The following SPEG variants were observed in gnomAD, a reference collection of about 807,000 sequenced individuals.
SPEG encodes striated muscle preferentially expressed protein kinase.
In SPEG, 114 loss-of-function variants were observed where a neutral mutation model predicts 300.4. The observed-to-expected ratio is 0.38, with a 90% CI of 0.33 to 0.44. The LOEUF (loss-of-function observed/expected upper bound fraction) is 0.44, where lower values mean the gene tolerates loss of function less well. Among genes scored for constraint, SPEG ranks in the 20% least tolerant of loss-of-function variants. The probability of loss-of-function intolerance (pLI) is 1.00; values close to 1 mark genes in which losing one functional copy is unlikely to be tolerated. For synonymous variants in SPEG, 1,964 were observed against 2,018.9 expected (o/e 0.97, Z 0.73); for missense variants, 4,201 against 4,586.2 (o/e 0.92, Z 2.43).
intron 38 of SPEG, 126 bp downstream of exon 38, chr2:219,491,082 C>T (rs1287987585): frequency 2.9e-5 from 21 of 712,504 alleles, no homozygotes; most frequent in East Asian, 5.4e-5. Flanking sequence ...AAGCAATGAA[C>T]GAAGTATGTG....
intron 6 of SPEG, among the ~76,000 whole-genome samples, chr2:219,453,612 G>A (rs59882792): frequency 6.1e-4 from 93 of 152,302 alleles, no homozygotes; most frequent in African/African-American, 2.0e-3. Flanking sequence ...GCTCATCACA[G>A]CATCTCGGCA....
intron 30 of SPEG, 102 bp downstream of exon 30, chr2:219,485,174 A>G: frequency 2.0e-6 from 3 of 1,484,150 alleles, no homozygotes; most frequent in Non-Finnish European, 2.7e-6. Context: ...CACCAGGGGC[A>G]GGCTGAGGCC....
Position 219,443,273 on chromosome 2 carries a change from C to T in SPEG, c.389-1380C>T, listed in dbSNP as rs1157587549. On this transcript the variant is annotated intron_variant, in intron 1 of 40. Transcript: ENST00000312358. The surrounding 1 kb of genome is among the most constrained non-coding windows in gnomAD (Gnocchi z 4.6). ...GAGATGTGGAACCCTCCCACTCACC[C>T]CCACACTTATCTACCACCCACCCGA... The T allele has an allele frequency of 1.0e-6, 1 of 1,000,884 alleles. No individual in the cohort carries two copies. Among genetic ancestry groups the T allele is most frequent in the Non-Finnish European group, 1.6e-6 (1 of 622,534 alleles). 62.0% of individuals were successfully genotyped at this position (1,000,884 alleles called of 1,614,324 possible). A position where few individuals can be genotyped will look rare whatever the true frequency, so the allele number is the denominator to read the frequency against.
At chr2:219,436,174 C>T (rs1026269481) in intron 1 of SPEG, among the ~76,000 whole-genome samples, 1 of 152,226 alleles carries the variant, frequency 6.6e-6, no homozygotes, top group Admixed American at 6.5e-5. Flanking sequence ...TGCTTGTCCC[C>T]CGCCCATAGA....
rs2125374243 is a variant in SPEG, at chr2:219,459,206, C to A, written c.2441-2676C>A. Among the ~76,000 whole-genome samples, 1 of 152,296 alleles carries A rather than the reference C, an allele frequency of 6.6e-6. No individual in the cohort carries two copies. The highest frequency in any genetic ancestry group is 1.9e-4 in the East Asian group (1 of 5,176). ...TACTTCCGTGGTGGGTTGTTCGGGGCCATTGAGTGTATGTGCCTATTAGGT... is the reference window on the plus strand; with the variant it reads ...TACTTCCGTGGTGGGTTGTTCGGGGACATTGAGTGTATGTGCCTATTAGGT... On this transcript the variant is annotated intron_variant, in intron 6 of 40. Coordinates refer to ENST00000312358, the MANE Select transcript of SPEG (RefSeq NM_005876.5). This position sits in a 1 kb window ranked among gnomAD's most constrained non-coding sequence, Gnocchi z 4.9.
Position 219,468,595 on chromosome 2 carries a change from G to A in SPEG, c.3160G>A (p.Ala1054Thr). The A allele has an allele frequency of 6.2e-7, 1 of 1,613,050 alleles. No individual in the cohort carries two copies. Among genetic ancestry groups the A allele is most frequent in the South Asian group, 1.1e-5 (1 of 91,054 alleles). Reference protein sequence around the residue: ...STAKDELTCSARLTVRPSLAP... With the variant: ...STAKDELTCSTRLTVRPSLAP... ...CCCCACAGATGAGCTGACCTGCAGT[G>A]CCCGGCTGACCGTGCGGCCCTCGTT... Residue 1054 changes from alanine to threonine, a missense_variant, in exon 11 of 41, where the codon GCC becomes ACC. By Grantham distance (58) the Ala-to-Thr change is moderately conservative. Transcript: ENST00000312358.
At chr2:219,450,960 C>T in intron 4 of SPEG, 176 bp from the exon 5 acceptor site, 1 of 633,582 alleles carries the variant, frequency 1.6e-6, no homozygotes, top group South Asian at 2.5e-5. Context: ...CTTCTGACTT[C>T]CTTTTTTCCC....
chr2:219,486,739 G>C (rs1693464356), intron 31 of SPEG, among the ~76,000 whole-genome samples: 1 of 152,120 alleles, frequency 6.6e-6, no homozygotes, highest in Non-Finnish European at 1.5e-5. Flanking sequence ...CCTAGGAATG[G>C]GGGTGGGGCT....
At position 219,479,700 on chromosome 2, in the gene SPEG, A is replaced by G; in HGVS notation, c.5086-83A>G. 1 of 1,298,900 alleles carries G rather than the reference A, an allele frequency of 7.7e-7. No individual in the cohort carries two copies. Among genetic ancestry groups the G allele is most frequent in the South Asian group, 1.2e-5 (1 of 84,128 alleles). The allele number at this position is 1,298,900 out of a possible 1,614,324, so 80.5% of individuals were successfully genotyped here. On this transcript the variant is annotated intron_variant, in intron 23 of 40. Coordinates refer to ENST00000312358, the MANE Select transcript of SPEG (RefSeq NM_005876.5). The surrounding 1 kb of genome is among the most constrained non-coding windows in gnomAD (Gnocchi z 5.5). ...GCCATCTGAAGGCTACTCCACAGGCACAGCCGGACCGCTTGCCGCCCTGGA... is the reference window on the plus strand; with the variant it reads ...GCCATCTGAAGGCTACTCCACAGGCGCAGCCGGACCGCTTGCCGCCCTGGA...
In SPEG at chr2:219,442,036, G is replaced by A. The variant is rs988088939; in HGVS notation, c.389-2617G>A. On this transcript the variant is annotated intron_variant, in intron 1 of 40. Transcript: ENST00000312358. ...CCCTCCTCGCCCGGCCGCCGGCCCGGCCCCCTCCCCCGCCATGAAGAAGCT... is the reference window on the plus strand; with the variant it reads ...CCCTCCTCGCCCGGCCGCCGGCCCGACCCCCTCCCCCGCCATGAAGAAGCT... 25 of 1,132,026 alleles carry A rather than the reference G, an allele frequency of 2.2e-5. No homozygotes were observed. The African/African-American group carries it at 2.6e-4, about 12-fold the overall frequency. 70.1% of individuals were successfully genotyped at this position (1,132,026 alleles called of 1,614,324 possible). A position where few individuals can be genotyped will look rare whatever the true frequency, so the allele number is the denominator to read the frequency against.
rs771465643 is a variant in SPEG, at chr2:219,484,111, A to G, written c.6648A>G (p.Pro2216=). ...PAPQPAQDKA[P]EPRPEPVRAS... ...CCCAGCCTGCCCAAGACAAGGCTCC[A>G]GAGCCCAGGCCAGAACCAGTCCGAG... is the stretch of plus-strand genomic sequence containing the variant. The change falls in exon 30 of 41, where the codon CCA becomes CCG. Residue 2216 remains proline (P), a synonymous_variant. Transcript: ENST00000312358. 6.2e-7 allele frequency: 1 copy of G among 1,613,438 alleles called. No homozygotes were observed. Among genetic ancestry groups the G allele is most frequent in the Admixed American group, 1.7e-5 (1 of 60,014 alleles).
Position 219,484,807 on chromosome 2 carries a change from C to T in SPEG, c.7344C>T (p.Ser2448=). ...AGGGCGGGAGCTCGGCGCGGGGCTCCCCGGTGCTGGCGATGCGCAGGCGGC... is the reference window on the plus strand; with the variant it reads ...AGGGCGGGAGCTCGGCGCGGGGCTCTCCGGTGCTGGCGATGCGCAGGCGGC... ...SSEGGSSARG[S]PVLAMRRRLS... is the part of the protein sequence containing the mutation. The change falls in exon 30 of 41, where the codon TCC becomes TCT. Residue 2448 remains serine, a synonymous_variant. Coordinates refer to ENST00000312358, the MANE Select transcript of SPEG (RefSeq NM_005876.5). 1 of 1,489,766 alleles carries T rather than the reference C, an allele frequency of 6.7e-7. No individual in the cohort carries two copies. Among genetic ancestry groups the T allele is most frequent in the Non-Finnish European group, 8.9e-7 (1 of 1,128,798 alleles). 92.3% of individuals were successfully genotyped at this position (1,489,766 alleles called of 1,614,324 possible). A position where few individuals can be genotyped will look rare whatever the true frequency, so the allele number is the denominator to read the frequency against.
In SPEG at chr2:219,473,073, A is replaced by C. The variant is rs1416790890; in HGVS notation, c.4124A>C (p.Glu1375Ala). 1 of 1,613,654 alleles carries C rather than the reference A, an allele frequency of 6.2e-7. No individual in the cohort carries two copies. Among genetic ancestry groups the C allele is most frequent in the South Asian group, 1.1e-5 (1 of 91,070 alleles). Residue 1375 changes from glutamate (E) to alanine (A), a missense_variant, in exon 16 of 41, where the codon GAG becomes GCG. Glu to Ala is a moderately radical substitution (Grantham distance 107). Around this residue, in one of 4 missense-constraint regions of SPEG, gnomAD observed 1,047 missense variants for 1,356.8 expected, o/e 0.77. Transcript: ENST00000312358. This position sits in a 1 kb window ranked among gnomAD's most constrained non-coding sequence, Gnocchi z 4.6. ...KSSSKPSPPS[E>A]PVQLLEHGPT... ...AGCAGCAAGCCCTCACCCCCTTCTG[A>C]GCCTGTGCAGCTGCTGGAGCACGGT...
intron 18 of SPEG, chr2:219,474,485 T>G (rs1350956283): frequency 6.6e-6 from 1 of 152,540 alleles, no homozygotes; most frequent in Non-Finnish European, 1.5e-5. Context: ...CCTTGTGAGT[T>G]GGGGTTGGTT....
intron 14 of SPEG, 84 bp from the exon 15 acceptor site, chr2:219,472,143 C>T (rs1360867665): frequency 1.3e-6 from 2 of 1,540,186 alleles, no homozygotes; most frequent in African/African-American, 2.7e-5. Context: ...GCCCCCAGGC[C>T]CTAGCCTCCT....
rs764535589 is a variant in SPEG, at chr2:219,451,664, G to A, written c.2297G>A (p.Gly766Asp). 15 of 1,587,810 alleles carry A rather than the reference G, an allele frequency of 9.4e-6. No individual in the cohort carries two copies. The highest frequency in any genetic ancestry group is 2.3e-5 in the East Asian group (1 of 43,916). ...HKDGSALRSE[G>D]RLLLRAEGER... ...GATGGGTCAGCGCTGCGCAGCGAGG[G>A]CCGCCTCCTCCTCCGGGCTGAGGGT... The change falls in exon 6 of 41, where the codon GGC becomes GAC. Residue 766 changes from glycine (G) to aspartate (D), a missense_variant. Physicochemically the swap from Gly to Asp is moderately conservative, Grantham distance 94 (BLOSUM62 -1). Coordinates refer to ENST00000312358, the MANE Select transcript of SPEG (RefSeq NM_005876.5). This position sits in a 1 kb window ranked among gnomAD's most constrained non-coding sequence, Gnocchi z 6.4.
chr2:219,472,886 C>T lies in SPEG; in HGVS notation c.3941-4C>T. 6.4e-7 allele frequency: 1 copy of T among 1,573,058 alleles called. No individual in the cohort carries two copies. The highest frequency in any genetic ancestry group is 8.7e-7 in the Non-Finnish European group (1 of 1,155,832). Reference sequence around the variant, plus strand: ...GCAGCCTCTAGTAGCTCCTCTCCCGCCAGACCCGGACTCCCTGACGTACAC... The same window carrying T: ...GCAGCCTCTAGTAGCTCCTCTCCCGTCAGACCCGGACTCCCTGACGTACAC... On this transcript the variant is annotated splice_region_variant and splice_polypyrimidine_tract_variant and intron_variant, in intron 15 of 40. Transcript: ENST00000312358.
In SPEG at chr2:219,464,542, T is replaced by A; in HGVS notation, c.2815T>A (p.Phe939Ile). The part of the protein sequence containing the change: ...ILAAERGDAG[F>I]YTCKAVNEYG... ...GGCTGCAGAGCGTGGCGATGCTGGT[T>A]TCTACACTTGCAAAGCGGTCAATGA... Residue 939 changes from phenylalanine (F) to isoleucine (I), a missense_variant, in exon 9 of 41, where the codon TTC (phenylalanine) becomes ATC (isoleucine). Coordinates refer to ENST00000312358, the MANE Select transcript of SPEG (RefSeq NM_005876.5). This position sits in a 1 kb window ranked among gnomAD's most constrained non-coding sequence, Gnocchi z 4.5. 1 of 1,614,238 alleles carries A rather than the reference T, an allele frequency of 6.2e-7. No homozygotes were observed. Among genetic ancestry groups the A allele is most frequent in the Non-Finnish European group, 8.5e-7 (1 of 1,180,028 alleles).
rs763718624 is a variant in SPEG, at chr2:219,464,672, G to C, written c.2881+64G>C. Reference sequence around the variant, plus strand: ...TGGCCCCTTCCTTCCCCCACTGTCTGCTCTCACACAGCCTCAGTTAGAGGA... The same window carrying C: ...TGGCCCCTTCCTTCCCCCACTGTCTCCTCTCACACAGCCTCAGTTAGAGGA... On this transcript the variant is annotated intron_variant, in intron 9 of 40. Transcript: ENST00000312358. The surrounding 1 kb of genome is among the most constrained non-coding windows in gnomAD (Gnocchi z 4.5). 1 of 1,524,128 alleles carries C rather than the reference G, an allele frequency of 6.6e-7. No individual in the cohort carries two copies. The highest frequency in any genetic ancestry group is 9.0e-7 in the Non-Finnish European group (1 of 1,106,130). The allele number at this position is 1,524,128 out of a possible 1,614,324, so 94.4% of individuals were successfully genotyped here.
Sources: gnomAD v4.1 joint callset for allele counts (sites outside exome capture counted in the v4.1 genomes callset) on GRCh38, gnomAD v4.1.1 for gene constraint, gnomAD v4.1.1 regional missense constraint, Gnocchi (gnomAD v3.1) non-coding constraint, MANE v1.5 for transcripts, NCBI Gene and HGNC (gene_info 2026-07-23, HGNC 2026-07-21) for gene names.